Variants in STK32A observed in about 807,000 individuals in gnomAD.
STK32A encodes the protein serine/threonine-protein kinase 32A.
A neutral mutation model predicts 53.2 loss-of-function variants in STK32A; 41 were observed. The observed-to-expected ratio is 0.77, with a 90% CI of 0.60 to 1.00. STK32A has a LOEUF of 1.00. Among genes scored for constraint, STK32A ranks in the 50% least tolerant of loss-of-function variants. The pLI, the probability that STK32A is intolerant of heterozygous loss-of-function variation, is 0.00. For missense variants in STK32A, 458 were observed against 485.8 expected (o/e 0.94, Z 0.54); for synonymous variants, 166 against 162.8 (o/e 1.02, Z -0.15).
At chr5:147,310,289 A>G (rs2151970586) in intron 4 of STK32A, among the ~76,000 whole-genome samples, 1 of 152,268 alleles carries the variant, frequency 6.6e-6, no homozygotes, top group Admixed American at 6.5e-5. Flanking sequence ...AGAGCCTGGG[A>G]TGAAGGCGTG....
In STK32A at chr5:147,384,235, T is replaced by A; in HGVS notation, c.*252T>A. 1 of 1,353,344 alleles carries A rather than the reference T, an allele frequency of 7.4e-7. No individual in the cohort carries two copies. Among genetic ancestry groups the A allele is most frequent in the Non-Finnish European group, 9.6e-7 (1 of 1,042,612 alleles). The allele number at this position is 1,353,344 out of a possible 1,614,324, so 83.8% of individuals were successfully genotyped here. On this transcript the variant is annotated 3_prime_UTR_variant, in exon 13 of 13. Coordinates refer to ENST00000397936, the MANE Select transcript of STK32A (RefSeq NM_001112724.2). ...CACTTTCTGTGCTTTACTTTATTTA[T>A]CTAAAATGAGAGGGTTATACTAGAC...
rs544868917 is a variant in STK32A at position 147,348,534 on chromosome 5, G to A, written c.473-2531G>A. On this transcript the variant is annotated intron_variant, in intron 6 of 12. Coordinates refer to ENST00000397936, the MANE Select transcript of STK32A (RefSeq NM_001112724.2). Reference sequence around the variant, plus strand: ...CTGCTGATCTGGGCACTACATTGTAGGAATCAATTGGCTCTAAAACCTTCT... The same window carrying A: ...CTGCTGATCTGGGCACTACATTGTAAGAATCAATTGGCTCTAAAACCTTCT... 2.8e-4 allele frequency among the ~76,000 whole-genome samples: 42 copies of A among 152,292 alleles called. No homozygotes were observed. The South Asian group carries it at 8.3e-3, about 30-fold the overall frequency.
intron 4 of STK32A, among the ~76,000 whole-genome samples, chr5:147,303,688 G>A (rs1422787867): frequency 1.3e-5 from 2 of 152,150 alleles, no homozygotes; most frequent in African/African-American, 4.8e-5. Context: ...TCAAGGAAAT[G>A]GTAGAAACTA....
chr5:147,358,625 A>G (rs1181437223), intron 7 of STK32A, among the ~76,000 whole-genome samples: 1 of 152,188 alleles, frequency 6.6e-6, no homozygotes, highest in Non-Finnish European at 1.5e-5. Context: ...ACTTGGATAA[A>G]TCTTATACAC....
intron 2 of STK32A, among the ~76,000 whole-genome samples, chr5:147,260,936 C>T (rs1307495427): frequency 6.6e-6 from 1 of 152,248 alleles, no homozygotes; most frequent in Non-Finnish European, 1.5e-5. Flanking sequence ...ACCAAGGAAG[C>T]ACTTTACCGG....
At chr5:147,283,671 T>C (rs1218086823) in intron 4 of STK32A, among the ~76,000 whole-genome samples, 1 of 152,096 alleles carries the variant, frequency 6.6e-6, no homozygotes, top group Non-Finnish European at 1.5e-5. Flanking sequence ...AACACCTTTA[T>C]GCACATAAAC....
At chr5:147,362,613 C>T (rs1756559324) in intron 8 of STK32A, among the ~76,000 whole-genome samples, 1 of 152,188 alleles carries the variant, frequency 6.6e-6, no homozygotes, top group Admixed American at 6.5e-5. Flanking sequence ...TATTCATGTC[C>T]TTCTCATATG....
chr5:147,327,372 T>G (rs980935425), intron 5 of STK32A, among the ~76,000 whole-genome samples: 26 of 152,216 alleles, frequency 1.7e-4, no homozygotes, highest in African/African-American at 6.0e-4. Context: ...TTGTAAAATA[T>G]GTGCTGAGTT....
chr5:147,346,035 C>T (rs1349886448), intron 6 of STK32A, among the ~76,000 whole-genome samples: 7 of 152,116 alleles, frequency 4.6e-5, no homozygotes, highest in African/African-American at 1.7e-4. Flanking sequence ...TTATTTACTT[C>T]GTTTGTTCAG....
At chr5:147,287,854 AT>A (rs78365779) in intron 4 of STK32A, among the ~76,000 whole-genome samples, 286 of 149,184 alleles carry the variant, frequency 1.9e-3, no homozygotes, top group East Asian at 7.9e-3. Flanking sequence ...TAACCGACTA[AT>A]TTTTTTTTTT....
intron 6 of STK32A, chr5:147,343,280 A>C (rs757072659): frequency 2.9e-6 from 2 of 701,550 alleles, no homozygotes; most frequent in Non-Finnish European, 5.2e-6. Context: ...AGTCTACTCA[A>C]TTTTCTTCCA....
intron 2 of STK32A, among the ~76,000 whole-genome samples, chr5:147,252,546 T>C (rs753049959): frequency 2.0e-5 from 3 of 151,730 alleles, no homozygotes; most frequent in Non-Finnish European, 4.4e-5. Flanking sequence ...ATGAACTTCA[T>C]TGCAGCTATT....
Position 147,279,351 on chromosome 5 carries a change from A to C in STK32A, c.213A>C (p.Glu71Asp), listed in dbSNP as rs374431900. Residue 71 changes from glutamate (E) to aspartate (D), a missense_variant, in exon 4 of 13, where the codon GAA (glutamate) becomes GAC (aspartate). Physicochemically the swap from Glu to Asp is conservative, Grantham distance 45. Transcript: ENST00000397936. The stretch of plus-strand genomic sequence containing the variant: ...ATGAAGTGAGAAATGTCTTCAAGGA[A>C]CTCCAGATCATGCAGGGTCTGGAGC... ...ERNEVRNVFK[E>D]LQIMQGLEHP... 1.9e-5 allele frequency: 31 copies of C among 1,611,322 alleles called. No individual in the cohort carries two copies. The African/African-American group carries it at 4.1e-4, about 22-fold the overall frequency.
chr5:147,271,477 G>A (rs899174897), intron 2 of STK32A, among the ~76,000 whole-genome samples: 1 of 152,144 alleles, frequency 6.6e-6, no homozygotes, highest in Non-Finnish European at 1.5e-5. Context: ...CAAGATAACA[G>A]CAATGTTCAG....
chr5:147,245,095 C>G (rs1753724499), intron 2 of STK32A, among the ~76,000 whole-genome samples: 1 of 152,170 alleles, frequency 6.6e-6, no homozygotes, highest in Non-Finnish European at 1.5e-5. Context: ...TTAAAAGAAG[C>G]CAAGTTATTG....
At chr5:147,248,237 A>C (rs558085437) in intron 2 of STK32A, among the ~76,000 whole-genome samples, 1 of 152,214 alleles carries the variant, frequency 6.6e-6, no homozygotes, top group East Asian at 1.9e-4. Context: ...TGCTCTAAGC[A>C]TCTTGCAGAC....
intron 4 of STK32A, among the ~76,000 whole-genome samples, chr5:147,314,244 T>C (rs1561713099): frequency 6.6e-6 from 1 of 152,088 alleles, no homozygotes; most frequent in Non-Finnish European, 1.5e-5. Context: ...ATGCCTGTAA[T>C]CCCAGCAAAT....
chr5:147,295,873 A>T (rs1047782314), intron 4 of STK32A, among the ~76,000 whole-genome samples: 5 of 152,236 alleles, frequency 3.3e-5, no homozygotes, highest in African/African-American at 1.2e-4. Context: ...CTTCAAAAAC[A>T]CAGAGCGGAG....
chr5:147,390,985 TCCATAC>T (rs1430519786), downstream of STK32A: 1 of 152,672 alleles, frequency 6.5e-6, no homozygotes, highest in East Asian at 1.9e-4. Flanking sequence ...TTACTGTCTG[TCCATAC>T]CCACCAGACA....
Sources: gnomAD v4.1 joint callset for allele counts (sites outside exome capture counted in the v4.1 genomes callset) on GRCh38, gnomAD v4.1.1 for gene constraint, MANE v1.5 for transcripts, NCBI Gene and HGNC (gene_info 2026-07-23, HGNC 2026-07-21) for gene names.